ARHGEF3: variants seen among roughly 807,000 people sequenced by gnomAD.
ARHGEF3 encodes the protein Rho guanine nucleotide exchange factor 3, also known as 59.8 kDA protein.
In ARHGEF3, 28 loss-of-function variants were observed where a neutral mutation model predicts 63.2. The ratio of observed to expected loss-of-function variants is 0.44; its 90% CI spans 0.33 to 0.61. The LOEUF (loss-of-function observed/expected upper bound fraction) is 0.61. ARHGEF3 is among the 20% of genes least tolerant of loss of function. The probability of loss-of-function intolerance (pLI) is 0.03; values close to 1 mark genes in which losing one functional copy is unlikely to be tolerated. For synonymous variants in ARHGEF3, 266 were observed against 254.2 expected (o/e 1.05, Z -0.44); for missense variants, 533 against 659.3 (o/e 0.81, Z 2.10).
intron 1 of ARHGEF3, among the ~76,000 whole-genome samples, chr3:57,058,539 T>C (rs562763126): frequency 6.0e-4 from 92 of 152,312 alleles, no homozygotes; most frequent in Non-Finnish European, 1.2e-3. Context: ...TTTTACACTG[T>C]TGGTGGGACT....
In ARHGEF3 at chr3:56,933,905, C is replaced by G. The variant is rs1373109569; in HGVS notation, c.129+24918G>C. ...TGGGGGCAGTTTCCCCAATGCTATT[C>G]TCATGACAGTGAGTGAGTTCTCACA... On this transcript the variant is annotated intron_variant, in intron 3 of 12. Transcript: ENST00000338458. Among the ~76,000 whole-genome samples, 4 of 152,148 alleles carry G rather than the reference C, an allele frequency of 2.6e-5. No individual in the cohort carries two copies. The East Asian group carries it at 5.8e-4, about 22-fold the overall frequency.
intron 4 of ARHGEF3, among the ~76,000 whole-genome samples, chr3:56,828,799 C>A (rs1485652192): frequency 1.3e-5 from 2 of 152,150 alleles, no homozygotes; most frequent in Non-Finnish European, 2.9e-5. Flanking sequence ...CATCTTTAAC[C>A]ACGTGTTGCT....
intron 1 of ARHGEF3, among the ~76,000 whole-genome samples, chr3:57,038,619 A>AT (rs984816869): frequency 6.6e-6 from 1 of 151,670 alleles, no homozygotes; most frequent in Non-Finnish European, 1.5e-5. Flanking sequence ...CATTTTTTTA[A>AT]TTTTTTGTAG....
At position 57,044,905 on chromosome 3, in the gene ARHGEF3, T is replaced by C. The variant is rs771171630; in HGVS notation, c.-27-9729A>G. On this transcript the variant is annotated intron_variant, in intron 1 of 12. Transcript: ENST00000338458. Reference sequence around the variant, plus strand: ...TTTTATTATGATTTATATGCTAGGGTTCTTGGAGGAGTTCTCATACTGTCA... The same window carrying C: ...TTTTATTATGATTTATATGCTAGGGCTCTTGGAGGAGTTCTCATACTGTCA... Among the ~76,000 whole-genome samples the C allele has an allele frequency of 1.9e-4, 29 of 152,214 alleles. 1 individual carries two copies. The South Asian group carries it at 4.0e-3, about 21-fold the overall frequency.
At chr3:56,809,495 T>A (rs1453775442) in intron 4 of ARHGEF3, among the ~76,000 whole-genome samples, 1 of 152,156 alleles carries the variant, frequency 6.6e-6, no homozygotes, top group Non-Finnish European at 1.5e-5. Context: ...ATGCACAGTT[T>A]GTATAAACAA....
At chr3:56,840,144 C>G (rs1177868739) in intron 4 of ARHGEF3, among the ~76,000 whole-genome samples, 2 of 152,122 alleles carry the variant, frequency 1.3e-5, no homozygotes, top group Non-Finnish European at 2.9e-5. Context: ...TAAGACCATC[C>G]CAGACATTCT....
chr3:56,732,005 C>G (rs1232580863), intron 9 of ARHGEF3: 1 of 607,500 alleles, frequency 1.6e-6, no homozygotes, highest in Non-Finnish European at 2.9e-6. Context: ...GATTATCTTA[C>G]TAAATCCTTA....
intron 2 of ARHGEF3, among the ~76,000 whole-genome samples, chr3:57,015,158 C>T (rs1702937079): frequency 6.6e-6 from 1 of 152,218 alleles, no homozygotes; most frequent in African/African-American, 2.4e-5. Context: ...CGCTCATTCA[C>T]TTATGTAAAT....
chr3:56,828,011 G>T (rs2038795203), intron 4 of ARHGEF3, among the ~76,000 whole-genome samples: 1 of 133,978 alleles, frequency 7.5e-6, no homozygotes, highest in African/African-American at 2.8e-5. Context: ...CTACTCACAA[G>T]CCAAGATATA....
intron 3 of ARHGEF3, among the ~76,000 whole-genome samples, chr3:56,913,291 C>T (rs999091846): frequency 1.3e-5 from 2 of 151,938 alleles, no homozygotes; most frequent in Non-Finnish European, 2.9e-5. Context: ...GTAGAGAACT[C>T]CTAAAACTCA....
At chr3:56,904,919 A>C (rs550787151) in intron 3 of ARHGEF3, among the ~76,000 whole-genome samples, 1 of 152,302 alleles carries the variant, frequency 6.6e-6, no homozygotes, top group South Asian at 2.1e-4. Flanking sequence ...CTCTACTCAC[A>C]AAACCTCTCC....
chr3:56,774,717 T>C (rs746003964), intron 1 of ARHGEF3, among the ~76,000 whole-genome samples: 3 of 152,008 alleles, frequency 2.0e-5, no homozygotes, highest in African/African-American at 7.3e-5. Context: ...CTGGCCAAGA[T>C]GGTGAAACTA....
At chr3:57,076,825 G>T (rs1333455359) in intron 1 of ARHGEF3, 1 of 152,242 alleles carries the variant, frequency 6.6e-6, no homozygotes, top group African/African-American at 2.4e-5. Flanking sequence ...GGAGTCAGTA[G>T]TCAACAGGAC....
intron 7 of ARHGEF3, among the ~76,000 whole-genome samples, chr3:56,739,340 TTAAAA>T (rs2033852483): frequency 6.6e-6 from 1 of 151,876 alleles, no homozygotes; most frequent in Non-Finnish European, 1.5e-5. Context: ...TTATCATGTC[TTAAAA>T]TAATAATAAT....
intron 2 of ARHGEF3, among the ~76,000 whole-genome samples, chr3:56,992,006 C>G (rs552087832): frequency 1.4e-5 from 2 of 147,942 alleles, no homozygotes; most frequent in East Asian, 4.1e-4. Context: ...CACTCTCACT[C>G]TCTCTCCCCT....
At chr3:56,853,354 G>C (rs376938297) in intron 4 of ARHGEF3, among the ~76,000 whole-genome samples, 20 of 152,162 alleles carry the variant, frequency 1.3e-4, no homozygotes, top group African/African-American at 4.8e-4. Flanking sequence ...TTATTATTTT[G>C]AGATGGAGTT....
chr3:56,891,482 C>T (rs200521200), intron 3 of ARHGEF3, among the ~76,000 whole-genome samples: 4 of 151,828 alleles, frequency 2.6e-5, no homozygotes, highest in African/African-American at 7.3e-5. Flanking sequence ...TTCAGAGCTA[C>T]GGGGAACTAA....
At chr3:57,013,296 C>T (rs1702787863) in intron 2 of ARHGEF3, among the ~76,000 whole-genome samples, 1 of 152,260 alleles carries the variant, frequency 6.6e-6, no homozygotes, top group Admixed American at 6.5e-5. Context: ...CCGGCCCTGG[C>T]ATGGGATCCA....
intron 2 of ARHGEF3, among the ~76,000 whole-genome samples, chr3:56,761,163 G>T (rs577392942): frequency 5.9e-5 from 9 of 152,268 alleles, no homozygotes; most frequent in African/African-American, 1.7e-4. Context: ...GCAGCCGTCT[G>T]GCCCCGGGGA....
Sources: allele counts gnomAD v4.1 joint callset (sites outside exome capture counted in the v4.1 genomes callset), GRCh38; gene constraint gnomAD v4.1.1; transcripts MANE v1.5; gene names NCBI Gene and HGNC (gene_info 2026-07-23, HGNC 2026-07-21).